The following HS3ST5 variants were observed in gnomAD, a reference collection of about 807,000 sequenced individuals.
HS3ST5 encodes heparan sulfate glucosamine 3-O-sulfotransferase 5.
In HS3ST5, 10 loss-of-function variants were observed where a neutral mutation model predicts 25.4. That is an observed-to-expected ratio of 0.39 (90% CI 0.24 to 0.67). The LOEUF (loss-of-function observed/expected upper bound fraction) is 0.67. HS3ST5 is among the 30% of genes least tolerant of loss of function. HS3ST5 has a pLI of 0.44. For missense variants in HS3ST5, 324 were observed against 420.7 expected (o/e 0.77, Z 2.01); for synonymous variants, 170 against 162.4 (o/e 1.05, Z -0.36).
chr6:114,341,610 T>G, intron 1 of HS3ST5, among the ~76,000 whole-genome samples: 1 of 141,036 alleles, frequency 7.1e-6, no homozygotes, highest in Non-Finnish European at 1.6e-5. Flanking sequence ...CGCGCGTGTG[T>G]GTTGGGTGGG....
At chr6:114,144,096 A>G (rs1415920347) in intron 3 of HS3ST5, among the ~76,000 whole-genome samples, 1 of 152,180 alleles carries the variant, frequency 6.6e-6, no homozygotes, top group Non-Finnish European at 1.5e-5. Flanking sequence ...GCAGTCCCAG[A>G]GTTCCCAGTG....
Position 114,240,035 on chromosome 6 carries a change from C to CA in HS3ST5, c.-338-11258_-338-11257insT, listed in dbSNP as rs57335624. ...ACACACACACACACACACACACACA[C>CA]CGCTTACTCTCTATTACACTGGCAA... On this transcript the variant is annotated intron_variant, in intron 1 of 4. Coordinates refer to ENST00000312719, the MANE Select transcript of HS3ST5 (RefSeq NM_153612.4). Among the ~76,000 whole-genome samples, 30 of 151,280 alleles carry CA rather than the reference C, an allele frequency of 2.0e-4. No individual in the cohort carries two copies. In the East Asian group the frequency reaches 5.4e-3, roughly 27 times the overall value.
intron 1 of HS3ST5, among the ~76,000 whole-genome samples, chr6:114,298,488 C>T (rs537320362): frequency 6.6e-6 from 1 of 152,158 alleles, no homozygotes; most frequent in Non-Finnish European, 1.5e-5. Flanking sequence ...GAGGTAGGTC[C>T]TGTCATTATT....
chr6:114,249,126 T>C (rs1395993181), intron 1 of HS3ST5, among the ~76,000 whole-genome samples: 1 of 152,218 alleles, frequency 6.6e-6, no homozygotes, highest in East Asian at 1.9e-4. Context: ...ATAATTTCCT[T>C]GTGATTTCCT....
chr6:114,229,405 C>T (rs1161090434), intron 1 of HS3ST5, among the ~76,000 whole-genome samples: 3 of 152,142 alleles, frequency 2.0e-5, no homozygotes, highest in Non-Finnish European at 4.4e-5. Context: ...TGCAAGTACT[C>T]TCCTAAAGAA....
chr6:114,095,648 C>G (rs1316546564), intron 3 of HS3ST5, among the ~76,000 whole-genome samples: 3 of 152,110 alleles, frequency 2.0e-5, no homozygotes, highest in Admixed American at 1.3e-4. Context: ...GCACTTTTGA[C>G]AACTTTCTCT....
At position 114,140,863 on chromosome 6, in the gene HS3ST5, A is replaced by AT. The variant is rs567692142; in HGVS notation, c.-33+27487dup. 4.2e-4 allele frequency among the ~76,000 whole-genome samples: 63 copies of AT among 151,734 alleles called. 2 individuals are homozygous for AT. Among genetic ancestry groups the AT allele is most frequent in the Admixed American group, 1.4e-3 (22 of 15,222 alleles). On this transcript the variant is annotated intron_variant, in intron 3 of 4. Transcript: ENST00000312719. ...GTTCTTTGCATTTACTAGTTATGTA[A>AT]TTTTTTTTTAGCAAGTTATTTTATT...
intron 3 of HS3ST5, among the ~76,000 whole-genome samples, chr6:114,150,918 T>C (rs1451095738): frequency 6.6e-6 from 1 of 152,212 alleles, no homozygotes; most frequent in East Asian, 1.9e-4. Flanking sequence ...TTCTTGAAAG[T>C]GGGAATTCTA....
At chr6:114,093,349 T>TGTG (rs1775231789) in intron 3 of HS3ST5, among the ~76,000 whole-genome samples, 1 of 98,120 alleles carries the variant, frequency 1.0e-5, no homozygotes. Context: ...TTTTGTTTGT[T>TGTG]TGTTTGTGTG....
At chr6:114,115,540 T>G (rs1446149141) in intron 3 of HS3ST5, among the ~76,000 whole-genome samples, 1 of 151,658 alleles carries the variant, frequency 6.6e-6, no homozygotes, top group Non-Finnish European at 1.5e-5. Context: ...GAAGCATAGA[T>G]GCCAGATTGA....
intron 2 of HS3ST5, among the ~76,000 whole-genome samples, chr6:114,208,582 G>A (rs930014011): frequency 1.1e-4 from 16 of 152,164 alleles, no homozygotes; most frequent in African/African-American, 3.4e-4. Context: ...AGGGGCGAGT[G>A]TGCAACCCAC....
chr6:114,133,962 G>A (rs1414862537), intron 3 of HS3ST5, among the ~76,000 whole-genome samples: 2 of 152,142 alleles, frequency 1.3e-5, no homozygotes, highest in Non-Finnish European at 2.9e-5. Context: ...CAGAGTGTAT[G>A]TGGGAGCATG....
At chr6:114,250,022 T>G (rs375220593) in intron 1 of HS3ST5, among the ~76,000 whole-genome samples, 1 of 152,210 alleles carries the variant, frequency 6.6e-6, no homozygotes, top group Non-Finnish European at 1.5e-5. Flanking sequence ...TAAATAACTA[T>G]TGATATAATA....
At chr6:114,323,046 G>T (rs540750653) in intron 1 of HS3ST5, among the ~76,000 whole-genome samples, 4 of 152,230 alleles carry the variant, frequency 2.6e-5, no homozygotes, top group East Asian at 1.9e-4. Flanking sequence ...TGCAGACTTG[G>T]AGTGGAGTTT....
At chr6:114,332,950 G>C (rs886567684) in intron 1 of HS3ST5, among the ~76,000 whole-genome samples, 3 of 152,124 alleles carry the variant, frequency 2.0e-5, no homozygotes, top group African/African-American at 4.8e-5. Flanking sequence ...TTGAGTCCCA[G>C]GCTGGTCCAC....
At chr6:114,063,843 T>C (rs549645827) in intron 3 of HS3ST5, among the ~76,000 whole-genome samples, 5 of 152,280 alleles carry the variant, frequency 3.3e-5, no homozygotes, top group Admixed American at 6.5e-5. Flanking sequence ...TCGGACTAGA[T>C]GCTTTTGCTA....
In HS3ST5 at chr6:114,249,792, T is replaced by A. The variant is rs551587140; in HGVS notation, c.-338-21014A>T. Among the ~76,000 whole-genome samples, 4 of 151,890 alleles carry A rather than the reference T, an allele frequency of 2.6e-5. No individual in the cohort carries two copies. In the South Asian group the frequency reaches 6.3e-4, roughly 24 times the overall value. Reference sequence around the variant, plus strand: ...GATGAGCCTCTCCATCTGTCCAAAATTTTTTTTTCATTTCCTTTCAGCTGT... The same window carrying A: ...GATGAGCCTCTCCATCTGTCCAAAAATTTTTTTTCATTTCCTTTCAGCTGT... On this transcript the variant is annotated intron_variant, in intron 1 of 4. Transcript: ENST00000312719.
chr6:114,248,704 C>CTG (rs1451845494), intron 1 of HS3ST5, among the ~76,000 whole-genome samples: 5 of 152,144 alleles, frequency 3.3e-5, no homozygotes, highest in Non-Finnish European at 5.9e-5. Context: ...AAGGTCTCTT[C>CTG]TTTCATGAAG....
chr6:114,225,642 CAG>C (rs1193100798), intron 2 of HS3ST5, among the ~76,000 whole-genome samples: 5 of 151,872 alleles, frequency 3.3e-5, no homozygotes, highest in Middle Eastern at 6.3e-3. Context: ...TTTAAAAACT[CAG>C]TGTGTGTCCT....
Sources: gnomAD v4.1 joint callset for allele counts (sites outside exome capture counted in the v4.1 genomes callset) on GRCh38, gnomAD v4.1.1 for gene constraint, MANE v1.5 for transcripts, NCBI Gene and HGNC (gene_info 2026-07-23, HGNC 2026-07-21) for gene names.